Variants in PAMR1 observed in about 807,000 individuals in gnomAD.
PAMR1 encodes peptidase domain containing associated with muscle regeneration 1, also known as inactive serine protease PAMR1.
A neutral mutation model predicts 81.8 loss-of-function variants in PAMR1; 88 were observed. The observed-to-expected ratio is 1.08, with a 90% CI of 0.91 to 1.28. The LOEUF (loss-of-function observed/expected upper bound fraction) is 1.28, where lower values mean the gene tolerates loss of function less well. Among genes scored for constraint, PAMR1 ranks in the 50% most tolerant of loss-of-function variants. The pLI, the probability that PAMR1 is intolerant of heterozygous loss-of-function variation, is 0.00. For missense variants in PAMR1, 935 were observed against 919.7 expected (o/e 1.02, Z -0.21); for synonymous variants, 336 against 345.3 (o/e 0.97, Z 0.30).
Position 35,490,512 on chromosome 11 carries a change from C to T in PAMR1, c.379+1533G>A, listed in dbSNP as rs1284040504. On this transcript the variant is annotated intron_variant, in intron 3 of 10. Coordinates refer to ENST00000619888, the MANE Select transcript of PAMR1 (RefSeq NM_001001991.3). ...TATTATTGAAAGTAGTTTTGTCAGG[C>T]ATGGTGGCATGTGCCTGCAGTCCCC... Among the ~76,000 whole-genome samples the T allele has an allele frequency of 6.6e-5, 10 of 152,200 alleles. 1 individual carries two copies. Among genetic ancestry groups the T allele is most frequent in the Admixed American group, 5.9e-4 (9 of 15,288 alleles).
In PAMR1 at chr11:35,432,181, C is replaced by T; in HGVS notation, c.*175G>A. The T allele has an allele frequency of 1.6e-6, 1 of 617,646 alleles. No individual in the cohort carries two copies. Among genetic ancestry groups the T allele is most frequent in the Non-Finnish European group, 2.8e-6 (1 of 351,746 alleles). 38.3% of individuals were successfully genotyped at this position (617,646 alleles called of 1,614,324 possible). On this transcript the variant is annotated 3_prime_UTR_variant, in exon 11 of 11. Transcript: ENST00000619888. ...GTCCTAGTAGTGGACGCGGCATCAG[C>T]CTACCAGCAATGGAGGTCTACTCAC...
intron 1 of PAMR1, among the ~76,000 whole-genome samples, chr11:35,514,879 A>C (rs956530404): frequency 6.6e-6 from 1 of 152,082 alleles, no homozygotes; most frequent in Non-Finnish European, 1.5e-5. Flanking sequence ...GTGGTACACA[A>C]CTGTGGTCCC....
chr11:35,506,106 C>T (rs1850945786), intron 1 of PAMR1, among the ~76,000 whole-genome samples: 2 of 143,502 alleles, frequency 1.4e-5, no homozygotes, highest in Non-Finnish European at 3.0e-5. Context: ...GACAACTTAC[C>T]TTAGATCACT....
chr11:35,525,631 G>A (rs777428454), upstream of PAMR1: 171 of 1,567,898 alleles, frequency 1.1e-4, no homozygotes, highest in Non-Finnish European at 1.4e-4. Flanking sequence ...AGGGAGAGGA[G>A]GGACCCAGGG....
At chr11:35,494,860 T>G (rs1850696919) in intron 1 of PAMR1, among the ~76,000 whole-genome samples, 1 of 152,234 alleles carries the variant, frequency 6.6e-6, no homozygotes, top group African/African-American at 2.4e-5. Context: ...AAAAAAGAAA[T>G]CAAGTTTCAT....
intron 6 of PAMR1, among the ~76,000 whole-genome samples, chr11:35,443,006 G>A (rs918346304): frequency 2.0e-5 from 3 of 151,990 alleles, no homozygotes; most frequent in African/African-American, 7.3e-5. Context: ...GCTGAGCTTT[G>A]GGGTACAATT....
chr11:35,516,347 G>T (rs1373336888), intron 1 of PAMR1, among the ~76,000 whole-genome samples: 1 of 152,166 alleles, frequency 6.6e-6, no homozygotes, highest in Non-Finnish European at 1.5e-5. Context: ...TATGCTGTGT[G>T]CATGCACATG....
chr11:35,508,336 C>T (rs1739097578), intron 1 of PAMR1, among the ~76,000 whole-genome samples: 1 of 152,070 alleles, frequency 6.6e-6, no homozygotes, highest in Non-Finnish European at 1.5e-5. Flanking sequence ...GTTCAATTCT[C>T]TTACCATCTG....
chr11:35,501,361 G>C (rs1007397461), intron 1 of PAMR1, among the ~76,000 whole-genome samples: 1 of 151,610 alleles, frequency 6.6e-6, no homozygotes, highest in African/African-American at 2.4e-5. Flanking sequence ...TTGAACTCCC[G>C]GGCTCAAGTA....
At chr11:35,461,606 A>G (rs1431777278) in intron 6 of PAMR1, among the ~76,000 whole-genome samples, 27 of 148,132 alleles carry the variant, frequency 1.8e-4, no homozygotes, top group Admixed American at 1.8e-3. Flanking sequence ...CTTTTCCCCA[A>G]AATTAAAAAA....
At chr11:35,443,677 G>T (rs1003758625) in intron 6 of PAMR1, among the ~76,000 whole-genome samples, 2 of 152,178 alleles carry the variant, frequency 1.3e-5, no homozygotes, top group African/African-American at 4.8e-5. Context: ...ACATACATGT[G>T]CATGTATCTT....
intron 1 of PAMR1, among the ~76,000 whole-genome samples, chr11:35,503,280 CAGCT>C (rs1850888520): frequency 8.0e-6 from 1 of 124,296 alleles, no homozygotes; most frequent in African/African-American, 3.2e-5. Flanking sequence ...GTGATGTCTC[CAGCT>C]TTTTTTTTTT....
intron 1 of PAMR1, among the ~76,000 whole-genome samples, chr11:35,505,899 G>C (rs202004861): frequency 7.5e-6 from 1 of 133,252 alleles, no homozygotes; most frequent in Non-Finnish European, 1.6e-5. Flanking sequence ...TTTGTGGCTT[G>C]TTCTCTGTCA....
chr11:35,499,928 G>A (rs528905726), intron 1 of PAMR1, among the ~76,000 whole-genome samples: 1 of 152,318 alleles, frequency 6.6e-6, no homozygotes, highest in South Asian at 2.1e-4. Flanking sequence ...CCCCGTAAGA[G>A]GGAGGCAGGA....
At chr11:35,474,829 C>CA (rs1427333802) in intron 3 of PAMR1, 85 bp from the exon 4 acceptor site, 40 of 802,094 alleles carry the variant, frequency 5.0e-5, no homozygotes, top group Non-Finnish European at 7.6e-5. Context: ...ACTTTGAGCA[C>CA]ATGCCACACC....
intron 6 of PAMR1, among the ~76,000 whole-genome samples, chr11:35,458,007 G>C (rs1009797244): frequency 1.3e-5 from 2 of 152,174 alleles, no homozygotes; most frequent in African/African-American, 4.8e-5. Flanking sequence ...GCCTCAGACA[G>C]GGTAGAAGGA....
intron 9 of PAMR1, 55 bp from the exon 10 acceptor site, chr11:35,434,859 A>C: frequency 6.5e-7 from 1 of 1,543,150 alleles, no homozygotes; most frequent in Non-Finnish European, 8.9e-7. Context: ...CATCCAAAGG[A>C]GAATGTGTCA....
At chr11:35,527,016 G>A (rs1851406115), upstream of PAMR1, among the ~76,000 whole-genome samples, 1 of 152,338 alleles carries the variant, frequency 6.6e-6, no homozygotes, top group East Asian at 1.9e-4. Context: ...AGAAATGGAA[G>A]TGGAAGGGAA....
At position 35,441,609 on chromosome 11, in the gene PAMR1, C is replaced by T. The variant is rs768548437; in HGVS notation, c.905G>A (p.Gly302Glu). The change falls in exon 7 of 11, where the codon GGA becomes GAA. Residue 302 changes from glycine to glutamate, a missense_variant. Coordinates refer to ENST00000619888, the MANE Select transcript of PAMR1 (RefSeq NM_001001991.3). ...CACGGTGCCAATTTTAGCATGGCGT[C>T]CGTTGATAAGCCCAGGGCCCCCTGT... is the stretch of plus-strand genomic sequence containing the variant. ...KITGGPGLINGRHAKIGTVVS... is the reference protein window; with the variant it reads ...KITGGPGLINERHAKIGTVVS... The T allele has an allele frequency of 3.1e-6, 5 of 1,613,926 alleles. No homozygotes were observed. The Admixed American group carries it at 6.7e-5, about 22-fold the overall frequency.
Sources: allele counts gnomAD v4.1 joint callset (sites outside exome capture counted in the v4.1 genomes callset), GRCh38; gene constraint gnomAD v4.1.1; transcripts MANE v1.5; gene names NCBI Gene and HGNC (gene_info 2026-07-23, HGNC 2026-07-21).